TACC2: variants seen among roughly 807,000 people sequenced by gnomAD.
TACC2 encodes transforming acidic coiled-coil-containing protein 2.
Under a neutral mutation model 227.3 loss-of-function variants are expected in TACC2, and 137 were observed. The ratio of observed to expected loss-of-function variants is 0.60; its 90% CI spans 0.52 to 0.69. The LOEUF (loss-of-function observed/expected upper bound fraction) is 0.69, where lower values mean the gene tolerates loss of function less well. Among genes scored for constraint, TACC2 ranks in the 30% least tolerant of loss-of-function variants. TACC2 has a pLI of 0.00. For missense variants in TACC2, 3,470 were observed against 3,694.4 expected, an observed-to-expected ratio of 0.94 and a Z score of 1.57; for synonymous variants, 1,523 against 1,487.5, an observed-to-expected ratio of 1.02 and a Z score of -0.55.
At position 122,087,114 on chromosome 10, in the gene TACC2, G is replaced by A. The variant is rs1476124663; in HGVS notation, c.4614G>A (p.Trp1538Ter). ...GGCCAGAGGGGCCTGGGGCAGCCTG[G>A]CCAGGCCTGGAAGGCCAGGCTTACT... Reference protein sequence around the residue: ...DERPEGPGAAWPGLEGQAYSQ... With the variant: ...DERPEGPGAA The change falls in exon 4 of 23, where the codon TGG (tryptophan) becomes TGA (stop). Residue 1538 changes from tryptophan (W) to a stop codon, truncating the protein, a stop_gained. Coordinates refer to ENST00000369005, the MANE Select transcript of TACC2 (RefSeq NM_206862.4). LOFTEE classifies it high-confidence loss of function. 1 of 1,609,776 alleles carries A rather than the reference G, an allele frequency of 6.2e-7. No individual in the cohort carries two copies. The highest frequency in any genetic ancestry group is 8.5e-7 in the Non-Finnish European group (1 of 1,178,544).
intron 1 of TACC2, among the ~76,000 whole-genome samples, chr10:121,999,032 C>T (rs1429580732): frequency 9.5e-5 from 14 of 147,088 alleles, no homozygotes; most frequent in African/African-American, 2.8e-4. Context: ...TTTTTTGAGA[C>T]GGAGTCTTGC....
intron 11 of TACC2, among the ~76,000 whole-genome samples, chr10:122,221,449 C>CT (rs2095521772): frequency 6.6e-6 from 1 of 152,128 alleles, no homozygotes; most frequent in Non-Finnish European, 1.5e-5. Context: ...CCCAGTTGCC[C>CT]TGTGTCCTTT....
At chr10:122,239,611 T>G (rs1184254338) in intron 18 of TACC2, among the ~76,000 whole-genome samples, 1 of 152,228 alleles carries the variant, frequency 6.6e-6, no homozygotes, top group Non-Finnish European at 1.5e-5. Context: ...AAATGAGGCA[T>G]GGCACCCAGG....
At chr10:122,142,002 C>A (rs946798898) in intron 6 of TACC2, among the ~76,000 whole-genome samples, 5 of 152,208 alleles carry the variant, frequency 3.3e-5, no homozygotes, top group African/African-American at 1.2e-4. Context: ...TTGAGTCATT[C>A]TTTTACAAAA....
chr10:122,204,568 G>T (rs549390034), intron 8 of TACC2, among the ~76,000 whole-genome samples: 17 of 152,348 alleles, frequency 1.1e-4, no homozygotes, highest in South Asian at 2.1e-4. Flanking sequence ...GGGTACGGTG[G>T]CCCATGCCTG....
chr10:122,173,623 A>G (rs2093579929), intron 7 of TACC2, among the ~76,000 whole-genome samples: 1 of 152,252 alleles, frequency 6.6e-6, no homozygotes, highest in Admixed American at 6.5e-5. Flanking sequence ...CTGTGTTCCC[A>G]GGAGCCCTGC....
chr10:122,120,167 G>A (rs1004212210), intron 5 of TACC2, among the ~76,000 whole-genome samples: 2 of 152,144 alleles, frequency 1.3e-5, no homozygotes, highest in African/African-American at 4.8e-5. Flanking sequence ...CTCCTGGGGA[G>A]CTGGAGCTGT....
chr10:122,022,129 G>A, intron 2 of TACC2, 115 bp downstream of exon 2: 1 of 993,424 alleles, frequency 1.0e-6, no homozygotes, highest in South Asian at 1.4e-5. Flanking sequence ...GACAGCTTCT[G>A]CGTAGATGTG....
At chr10:122,236,107 C>T (rs763487823) in intron 16 of TACC2, among the ~76,000 whole-genome samples, 168 of 152,306 alleles carry the variant, frequency 1.1e-3, no homozygotes, top group Middle Eastern at 3.4e-3. Flanking sequence ...TCTCCCTTCT[C>T]GGGTTCATTT....
intron 1 of TACC2, among the ~76,000 whole-genome samples, chr10:122,003,869 G>A (rs1954727388): frequency 6.6e-6 from 1 of 151,872 alleles, no homozygotes. Flanking sequence ...TGTTAGCCAG[G>A]ATGGTCTCGA....
At chr10:122,223,397 A>C (rs981165423) in intron 11 of TACC2, among the ~76,000 whole-genome samples, 1 of 152,092 alleles carries the variant, frequency 6.6e-6, no homozygotes, top group African/African-American at 2.4e-5. Flanking sequence ...CTTCTGTCTT[A>C]AGTTGGGGCA....
At chr10:122,031,941 C>T (rs112644581) in intron 2 of TACC2, among the ~76,000 whole-genome samples, 9,238 of 152,020 alleles carry the variant, frequency 0.061, 376 homozygotes, top group Middle Eastern at 0.092. Context: ...TTCCTGACCT[C>T]AGGTGATCCT....
rs1347836544 is a variant in TACC2 at position 122,050,417 on chromosome 10, T to C, written c.34-21T>C. ...GACTCCTATCTGATTTCCTTTCCAA[T>C]TTCTTTTTCTCCTGGCTCAGAGGAC... On this transcript the variant is annotated intron_variant, in intron 2 of 22. Coordinates refer to ENST00000369005, the MANE Select transcript of TACC2 (RefSeq NM_206862.4). The surrounding 1 kb of genome is among the most constrained non-coding windows in gnomAD (Gnocchi z 4.6). 2 of 1,597,706 alleles carry C rather than the reference T, an allele frequency of 1.3e-6. No homozygotes were observed. Among genetic ancestry groups the C allele is most frequent in the Non-Finnish European group, 1.7e-6 (2 of 1,167,316 alleles).
chr10:122,115,687 G>C (rs1046712388), intron 5 of TACC2, among the ~76,000 whole-genome samples: 3 of 152,192 alleles, frequency 2.0e-5, no homozygotes, highest in Non-Finnish European at 4.4e-5. Context: ...GCGTAGATGA[G>C]ACTGGAAGAG....
chr10:122,232,284 A>G (rs780165084), intron 16 of TACC2, among the ~76,000 whole-genome samples: 4 of 152,250 alleles, frequency 2.6e-5, no homozygotes, highest in Admixed American at 6.5e-5. Context: ...TGTAAGTACC[A>G]TGTATTCCTG....
At chr10:122,212,732 AGAG>A (rs1165711354) in intron 9 of TACC2, among the ~76,000 whole-genome samples, 1 of 152,188 alleles carries the variant, frequency 6.6e-6, no homozygotes, top group Non-Finnish European at 1.5e-5. Flanking sequence ...GGGCCTCCTG[AGAG>A]GAGGTCTCTA....
At chr10:122,032,310 A>T (rs978231319) in intron 2 of TACC2, among the ~76,000 whole-genome samples, 1 of 151,828 alleles carries the variant, frequency 6.6e-6, no homozygotes, top group Non-Finnish European at 1.5e-5. Context: ...CACTGGGAAC[A>T]CCTCCAAACT....
At chr10:122,088,041 C>A in intron 4 of TACC2, 82 bp downstream of exon 4, 1 of 1,403,262 alleles carries the variant, frequency 7.1e-7, no homozygotes, top group Non-Finnish European at 9.3e-7. Flanking sequence ...AAGTCAGTCG[C>A]ATAGGTGAGT....
At chr10:122,026,578 A>G (rs1958053602) in intron 2 of TACC2, among the ~76,000 whole-genome samples, 1 of 152,100 alleles carries the variant, frequency 6.6e-6, no homozygotes, top group Non-Finnish European at 1.5e-5. Flanking sequence ...AAGGAATAGT[A>G]TCATGCAGGG....
Sources: gnomAD v4.1 joint callset for allele counts (sites outside exome capture counted in the v4.1 genomes callset) on GRCh38, gnomAD v4.1.1 for gene constraint, Gnocchi (gnomAD v3.1) non-coding constraint, MANE v1.5 for transcripts, NCBI Gene and HGNC (gene_info 2026-07-23, HGNC 2026-07-21) for gene names.